MED13: variants seen among roughly 807,000 people sequenced by gnomAD.
MED13 encodes the protein mediator of RNA polymerase II transcription subunit 13.
MED13 carries 23 observed loss-of-function variants against 225.2 expected under a neutral mutation model. The ratio of observed to expected loss-of-function variants is 0.10; its 90% CI spans 0.07 to 0.14. MED13 has a LOEUF of 0.14. MED13 is among the 10% of genes least tolerant of loss of function. MED13 has a pLI of 1.00. For synonymous variants in MED13, 942 were observed against 889.2 expected (o/e 1.06, Z -1.06); for missense variants, 2,197 against 2,594.5 (o/e 0.85, Z 3.33).
chr17:61,962,662 C>T, intron 21 of MED13, 90 bp downstream of exon 21: 2 of 1,089,056 alleles, frequency 1.8e-6, no homozygotes, highest in Non-Finnish European at 2.7e-6. Context: ...TTTAGATAAT[C>T]AATTTGAATA....
At position 62,029,603 on chromosome 17, in the gene MED13, A is replaced by T; in HGVS notation, c.1221T>A (p.Ala407=). The change falls in exon 8 of 30, where the codon GCT becomes GCA. Residue 407 remains alanine (A), a synonymous_variant. Coordinates refer to ENST00000397786, the MANE Select transcript of MED13 (RefSeq NM_005121.3). ...CAAAATCCCAGGATGCCACTTTAGC[A>T]GCTGTCGCTTCTTCGCATAGACCAC... ...SSGGLCEEAT[A]AKVASWDFVE... The T allele has an allele frequency of 6.2e-7, 1 of 1,614,202 alleles. No homozygotes were observed. The highest frequency in any genetic ancestry group is 8.5e-7 in the Non-Finnish European group (1 of 1,180,028).
Position 62,010,912 on chromosome 17 carries a change from T to C in MED13, c.1605A>G (p.Pro535=). The C allele has an allele frequency of 6.2e-7, 1 of 1,612,916 alleles. No individual in the cohort carries two copies. The highest frequency in any genetic ancestry group is 8.5e-7 in the Non-Finnish European group (1 of 1,179,018). Residue 535 remains proline, a synonymous_variant, in exon 9 of 30, where the codon CCA becomes CCG. Coordinates refer to ENST00000397786, the MANE Select transcript of MED13 (RefSeq NM_005121.3). ...CCACATCACAAGGGTGAGGACTAAG[T>C]GGGGGTGGTTGAGGTGAATTTGCCA... is the stretch of plus-strand genomic sequence containing the variant. The part of the protein sequence containing the change: ...TEMANSPQPP[P]LSPHPCDVVD...
intron 11 of MED13, among the ~76,000 whole-genome samples, chr17:61,990,864 A>G (rs1003444509): frequency 2.0e-5 from 3 of 152,068 alleles, no homozygotes; most frequent in African/African-American, 7.2e-5. Context: ...CCTACACATA[A>G]CAGGTGCTAA....
At chr17:61,955,116 C>T (rs889163620) in intron 26 of MED13, among the ~76,000 whole-genome samples, 1 of 152,122 alleles carries the variant, frequency 6.6e-6, no homozygotes, top group African/African-American at 2.4e-5. Flanking sequence ...TTTGACTTTG[C>T]TTCCCACTGT....
intron 17 of MED13, among the ~76,000 whole-genome samples, chr17:61,969,928 T>C (rs1415345438): frequency 6.6e-6 from 1 of 152,022 alleles, no homozygotes; most frequent in Non-Finnish European, 1.5e-5. Flanking sequence ...TAAAAAAATT[T>C]TTAAAAGAAA....
At chr17:61,946,787 C>G in intron 29 of MED13, 130 bp downstream of exon 29, 1 of 1,062,226 alleles carries the variant, frequency 9.4e-7, no homozygotes, top group Non-Finnish European at 1.4e-6. Flanking sequence ...GTTAGAATAG[C>G]AGTGTTTATC....
chr17:62,035,679 T>C (rs2080796375), intron 3 of MED13, 71 bp from the exon 4 acceptor site: 2 of 1,458,702 alleles, frequency 1.4e-6, no homozygotes, highest in Non-Finnish European at 1.8e-6. Context: ...TTTTCTTTAT[T>C]AGGAAGTATG....
Position 61,962,935 on chromosome 17 carries a change from A to G in MED13, c.4881T>C (p.Asp1627=), listed in dbSNP as rs186822387. The G allele has an allele frequency of 3.7e-6, 6 of 1,614,130 alleles. No homozygotes were observed. Among genetic ancestry groups the G allele is most frequent in the Middle Eastern group, 1.6e-4 (1 of 6,062 alleles). ...GATACGTGACTGCATGTGAATCACC[A>G]TCTGTGGGGATTCCCACTTTATCCC... ...MDRDKVGIPT[D]GDSHAVTYPP... Residue 1627 remains aspartate, a synonymous_variant, in exon 21 of 30, where the codon GAT becomes GAC. Coordinates refer to ENST00000397786, the MANE Select transcript of MED13 (RefSeq NM_005121.3).
At chr17:62,013,521 G>C (rs1444162312) in intron 8 of MED13, among the ~76,000 whole-genome samples, 1 of 151,204 alleles carries the variant, frequency 6.6e-6, no homozygotes, top group African/African-American at 2.4e-5. Flanking sequence ...AGGAATAAAA[G>C]AAAATTTGCT....
intron 17 of MED13, 126 bp from the exon 18 acceptor site, chr17:61,968,384 G>A: frequency 3.0e-6 from 2 of 665,516 alleles, no homozygotes; most frequent in Non-Finnish European, 4.4e-6. Context: ...GGAGTGCAGT[G>A]GCGCCATCTC....
intron 11 of MED13, among the ~76,000 whole-genome samples, chr17:61,989,551 T>C (rs910705874): frequency 2.6e-5 from 4 of 152,194 alleles, no homozygotes; most frequent in Non-Finnish European, 5.9e-5. Flanking sequence ...TTGACCAGGC[T>C]GGTCTCAAAC....
intron 2 of MED13, among the ~76,000 whole-genome samples, chr17:62,054,977 T>C (rs1160334846): frequency 6.6e-6 from 1 of 152,230 alleles, no homozygotes; most frequent in African/African-American, 2.4e-5. Flanking sequence ...ACAGTTGTTA[T>C]AAACTTCAAA....
At chr17:61,992,486 T>C (rs1392804503) in intron 11 of MED13, 54 bp downstream of exon 11, 1 of 1,064,894 alleles carries the variant, frequency 9.4e-7, no homozygotes, top group East Asian at 2.4e-5. Flanking sequence ...ATCAGATCAG[T>C]CTGTAGTAAC....
At chr17:61,958,546 C>T (rs2079969646) in intron 23 of MED13, among the ~76,000 whole-genome samples, 1 of 152,060 alleles carries the variant, frequency 6.6e-6, no homozygotes, top group South Asian at 2.1e-4. Context: ...AGCATGTTGG[C>T]CAGGATGGTC....
At chr17:62,064,995 G>C in intron 1 of MED13, 145 bp downstream of exon 1, 2 of 600,054 alleles carry the variant, frequency 3.3e-6, no homozygotes, top group Non-Finnish European at 5.3e-6. Context: ...CCCGGGGCTG[G>C]CCGCGGAGCT....
intron 12 of MED13, 101 bp downstream of exon 12, chr17:61,986,906 C>A (rs1603397690): frequency 2.8e-6 from 2 of 712,984 alleles, no homozygotes; most frequent in East Asian, 7.1e-5. Context: ...TTGTTCAGGG[C>A]TAAAACATAG....
intron 8 of MED13, among the ~76,000 whole-genome samples, chr17:62,020,685 C>CTTT (rs78598460): frequency 7.6e-4 from 76 of 100,548 alleles, no homozygotes; most frequent in East Asian, 1.7e-3. Flanking sequence ...GGCCTGCTTT[C>CTTT]TTTTTTTTTT....
chr17:61,960,128 A>T (rs1427671147), intron 23 of MED13, among the ~76,000 whole-genome samples: 2 of 152,150 alleles, frequency 1.3e-5, no homozygotes, highest in African/African-American at 4.8e-5. Flanking sequence ...AGTCTCTACT[A>T]AAGGCTTGAA....
chr17:62,053,493 T>C (rs2080973099), intron 2 of MED13, among the ~76,000 whole-genome samples: 1 of 152,192 alleles, frequency 6.6e-6, no homozygotes, highest in African/African-American at 2.4e-5. Flanking sequence ...AGTCTGGATG[T>C]AGGTCAGAAA....
Sources: gnomAD v4.1 joint callset for allele counts (sites outside exome capture counted in the v4.1 genomes callset) on GRCh38, gnomAD v4.1.1 for gene constraint, MANE v1.5 for transcripts, NCBI Gene and HGNC (gene_info 2026-07-23, HGNC 2026-07-21) for gene names.